Variants in LAMA3 observed in about 807,000 individuals in gnomAD.
The protein encoded by LAMA3 is laminin subunit alpha-3.
A neutral mutation model predicts 402.0 loss-of-function variants in LAMA3; 281 were observed. The ratio of observed to expected loss-of-function variants is 0.70; its 90% CI spans 0.63 to 0.77. The LOEUF is 0.77. LAMA3 is among the 30% of genes least tolerant of loss of function. LAMA3 has a pLI of 0.00. For missense variants in LAMA3, 3,840 were observed against 4,215.5 expected (o/e 0.91, Z 2.47); for synonymous variants, 1,431 against 1,558.4 (o/e 0.92, Z 1.93).
intron 55 of LAMA3, among the ~76,000 whole-genome samples, chr18:23,911,276 A>G (rs953717399): frequency 3.9e-5 from 6 of 152,136 alleles, no homozygotes; most frequent in Non-Finnish European, 8.8e-5. Flanking sequence ...TTGCATATAC[A>G]AGATCCTTGA....
chr18:23,817,548 TA>T (rs919851292), intron 18 of LAMA3, among the ~76,000 whole-genome samples: 51 of 150,332 alleles, frequency 3.4e-4, no homozygotes, highest in African/African-American at 9.0e-4. Flanking sequence ...CCGATCCCTA[TA>T]AAAAAAAATA....
intron 35 of LAMA3, among the ~76,000 whole-genome samples, chr18:23,863,650 C>T (rs1390219496): frequency 6.6e-6 from 1 of 152,202 alleles, no homozygotes; most frequent in Non-Finnish European, 1.5e-5. Context: ...AGGTTACAGA[C>T]TCTAGGGAAA....
chr18:23,842,279 G>T, intron 27 of LAMA3, 116 bp from the exon 28 acceptor site: 1 of 1,296,610 alleles, frequency 7.7e-7, no homozygotes, highest in Non-Finnish European at 1.1e-6. Flanking sequence ...ATTTCACTTT[G>T]GTAAATACTT....
intron 35 of LAMA3, among the ~76,000 whole-genome samples, chr18:23,862,229 A>G (rs544446471): frequency 6.6e-6 from 1 of 152,340 alleles, no homozygotes; most frequent in Non-Finnish European, 1.5e-5. Context: ...TCACAAGCTT[A>G]TTAAAAGAAA....
chr18:23,858,415 C>CA (rs1429953298), intron 33 of LAMA3, among the ~76,000 whole-genome samples: 6 of 152,260 alleles, frequency 3.9e-5, no homozygotes, highest in Admixed American at 2.0e-4. Context: ...TTGGTCTCCC[C>CA]ATCCTGTGAA....
intron 9 of LAMA3, among the ~76,000 whole-genome samples, chr18:23,774,764 A>G (rs1161572036): frequency 6.6e-6 from 1 of 152,234 alleles, no homozygotes; most frequent in African/African-American, 2.4e-5. Flanking sequence ...ATTAAAGTCC[A>G]GGGAATATGT....
chr18:23,725,535 G>A (rs755615388), intron 2 of LAMA3, among the ~76,000 whole-genome samples: 5 of 152,210 alleles, frequency 3.3e-5, no homozygotes, highest in Admixed American at 6.5e-5. Context: ...GTGGAGGTGG[G>A]TGGGGAGTGA....
intron 1 of LAMA3, among the ~76,000 whole-genome samples, chr18:23,711,990 T>A (rs2060998793): frequency 6.6e-6 from 1 of 152,202 alleles, no homozygotes; most frequent in African/African-American, 2.4e-5. Context: ...AATTCCCTCA[T>A]CAAATAACTA....
intron 55 of LAMA3, among the ~76,000 whole-genome samples, chr18:23,911,963 C>T (rs2081441338): frequency 7.1e-6 from 1 of 140,048 alleles, no homozygotes; most frequent in Non-Finnish European, 1.5e-5. Flanking sequence ...ATAATTTATG[C>T]ATTTATTATA....
intron 2 of LAMA3, among the ~76,000 whole-genome samples, chr18:23,716,571 CT>C (rs1296312833): frequency 6.6e-6 from 1 of 151,616 alleles, no homozygotes; most frequent in Non-Finnish European, 1.5e-5. Flanking sequence ...TTCTTTAGAA[CT>C]TTTTTTTTAA....
chr18:23,840,766 A>T (rs1188110758), intron 27 of LAMA3, among the ~76,000 whole-genome samples: 2 of 152,200 alleles, frequency 1.3e-5, no homozygotes, highest in East Asian at 3.8e-4. Flanking sequence ...TCTGCATTAT[A>T]AAAATATAAT....
intron 67 of LAMA3, among the ~76,000 whole-genome samples, chr18:23,936,534 G>A (rs1352346280): frequency 6.6e-6 from 1 of 152,010 alleles, no homozygotes; most frequent in Non-Finnish European, 1.5e-5. Context: ...AAAGCGAAGG[G>A]TGGGGATTCA....
intron 62 of LAMA3, among the ~76,000 whole-genome samples, chr18:23,922,200 T>C (rs2081865981): frequency 6.6e-6 from 1 of 152,254 alleles, no homozygotes; most frequent in Non-Finnish European, 1.5e-5. Flanking sequence ...TGATCATTTG[T>C]ATCCTCCCGG....
At chr18:23,863,021 AAGAG>A (rs141141703) in intron 35 of LAMA3, among the ~76,000 whole-genome samples, 26 of 143,434 alleles carry the variant, frequency 1.8e-4, no homozygotes, top group South Asian at 1.3e-3. Flanking sequence ...GAGAGAGAGA[AAGAG>A]AGAGAGAGAG....
At chr18:23,902,654 TGGTACTG>T (rs1323597110) in intron 48 of LAMA3, among the ~76,000 whole-genome samples, 1 of 152,224 alleles carries the variant, frequency 6.6e-6, no homozygotes, top group Non-Finnish European at 1.5e-5. Context: ...GTGTTCTCAT[TGGTACTG>T]GCTGATGGTT....
At chr18:23,932,780 T>C (rs147700615) in intron 66 of LAMA3, among the ~76,000 whole-genome samples, 325 of 152,336 alleles carry the variant, frequency 2.1e-3, no homozygotes, top group Middle Eastern at 6.8e-3. Context: ...ATTATTGTTT[T>C]TAGATAAGAG....
At chr18:23,876,469 A>G (rs2064718247) in intron 39 of LAMA3, 62 bp downstream of exon 39, 1 of 1,098,622 alleles carries the variant, frequency 9.1e-7, no homozygotes, top group South Asian at 1.3e-5. Context: ...ATTCCCCTGT[A>G]CTATGCCCAA....
chr18:23,914,124 G>A (rs995509195), intron 56 of LAMA3, among the ~76,000 whole-genome samples: 3 of 152,190 alleles, frequency 2.0e-5, no homozygotes, highest in South Asian at 2.1e-4. Flanking sequence ...GGACGGCTGA[G>A]TCTATACCTG....
intron 1 of LAMA3, among the ~76,000 whole-genome samples, chr18:23,696,509 TG>T (rs937136485): frequency 7.3e-5 from 11 of 150,760 alleles, no homozygotes; most frequent in Admixed American, 3.3e-4. Context: ...GAAATCCCCC[TG>T]TTTTTTTTGA....
Sources: allele counts gnomAD v4.1 joint callset (sites outside exome capture counted in the v4.1 genomes callset), GRCh38; gene constraint gnomAD v4.1.1; transcripts MANE v1.5; gene names NCBI Gene and HGNC (gene_info 2026-07-23, HGNC 2026-07-21).